Variants in DTWD2 observed in about 807,000 individuals in gnomAD.
DTWD2 encodes tRNA-uridine aminocarboxypropyltransferase 2.
In DTWD2, 39 loss-of-function variants were observed where a neutral mutation model predicts 31.8. That is an observed-to-expected ratio of 1.22 (90% CI 0.95 to 1.60). The LOEUF is 1.60. DTWD2 is among the 40% of genes most tolerant of loss of function. The pLI is 0.00. For missense variants in DTWD2, 515 were observed against 381.5 expected (o/e 1.35, Z -2.92); for synonymous variants, 180 against 142.8 (o/e 1.26, Z -1.86).
intron 5 of DTWD2, among the ~76,000 whole-genome samples, chr5:118,842,093 A>T (rs1279863726): frequency 3.9e-5 from 6 of 152,164 alleles, no homozygotes; most frequent in African/African-American, 1.4e-4. Flanking sequence ...CTGTAATCCC[A>T]GCATTTTGGG....
intron 1 of DTWD2, among the ~76,000 whole-genome samples, chr5:118,958,275 A>C (rs1005705551): frequency 6.6e-6 from 1 of 152,134 alleles, no homozygotes; most frequent in Non-Finnish European, 1.5e-5. Context: ...TAACACAGTG[A>C]AACTCCGTCT....
intron 4 of DTWD2, among the ~76,000 whole-genome samples, chr5:118,914,132 A>T (rs1753522112): frequency 1.3e-5 from 2 of 152,174 alleles, no homozygotes. Flanking sequence ...ACTCTGGTTT[A>T]AATGTGTCCC....
chr5:118,888,617 A>G (rs913482414), intron 4 of DTWD2, among the ~76,000 whole-genome samples: 7 of 152,242 alleles, frequency 4.6e-5, no homozygotes, highest in African/African-American at 1.7e-4. Context: ...TTGGTTAAAT[A>G]TCTAGGAGTG....
At chr5:118,897,092 G>C (rs2149563299) in intron 4 of DTWD2, among the ~76,000 whole-genome samples, 1 of 152,316 alleles carries the variant, frequency 6.6e-6, no homozygotes, top group East Asian at 1.9e-4. Flanking sequence ...GTCAGGTTTA[G>C]TGATTCTCTG....
At chr5:118,902,349 T>C (rs1364703332) in intron 4 of DTWD2, among the ~76,000 whole-genome samples, 1 of 152,138 alleles carries the variant, frequency 6.6e-6, no homozygotes, top group East Asian at 1.9e-4. Flanking sequence ...TGGAAATGTA[T>C]AGCTAAAATT....
At chr5:118,907,424 G>C (rs950364515) in intron 4 of DTWD2, among the ~76,000 whole-genome samples, 2 of 152,126 alleles carry the variant, frequency 1.3e-5, no homozygotes, top group African/African-American at 4.8e-5. Context: ...TCTGCAGTGT[G>C]AGCCAGCAGG....
rs1755490063 is a variant in DTWD2 at position 118,988,491 on chromosome 5, T to C, written c.21A>G (p.Ala7=). 6.3e-7 allele frequency: 1 copy of C among 1,584,398 alleles called. No individual in the cohort carries two copies. The highest frequency in any genetic ancestry group is 8.6e-7 in the Non-Finnish European group (1 of 1,167,598). The change falls in exon 1 of 6, where the codon GCA becomes GCG. Residue 7 remains alanine (A), a synonymous_variant. Transcript: ENST00000510708. ...GCGCAACGGGCTCCTGGAGTGTTCG[T>C]GCCTCTTTCTGCGACTCCATGGCGG... MESQKE[A]RTLQEPVARP...
At chr5:118,985,315 C>CA (rs975170783) in intron 1 of DTWD2, among the ~76,000 whole-genome samples, 14 of 151,874 alleles carry the variant, frequency 9.2e-5, no homozygotes, top group Non-Finnish European at 1.8e-4. Context: ...CCTTCAGTCT[C>CA]AGCTTACATG....
chr5:118,947,530 A>G (rs567824452), intron 1 of DTWD2, among the ~76,000 whole-genome samples: 1 of 152,242 alleles, frequency 6.6e-6, no homozygotes, highest in East Asian at 1.9e-4. Flanking sequence ...AGTCCCTACC[A>G]TACAGCTGCC....
At chr5:118,986,448 A>T (rs1194460654) in intron 1 of DTWD2, among the ~76,000 whole-genome samples, 2 of 152,218 alleles carry the variant, frequency 1.3e-5, no homozygotes, top group Admixed American at 1.3e-4. Context: ...TCCTGAACAA[A>T]GCTAATTTCT....
At chr5:118,851,528 C>T (rs972371955) in intron 4 of DTWD2, among the ~76,000 whole-genome samples, 1 of 152,040 alleles carries the variant, frequency 6.6e-6, no homozygotes, top group African/African-American at 2.4e-5. Flanking sequence ...AGATCACATG[C>T]TTCTGAGGAA....
At chr5:118,899,304 T>C (rs907506197) in intron 4 of DTWD2, among the ~76,000 whole-genome samples, 1 of 152,200 alleles carries the variant, frequency 6.6e-6, no homozygotes, top group Non-Finnish European at 1.5e-5. Context: ...TCAATGTTAA[T>C]GAATCAATGA....
chr5:118,907,401 T>C (rs941989835), intron 4 of DTWD2, among the ~76,000 whole-genome samples: 2 of 152,164 alleles, frequency 1.3e-5, no homozygotes, highest in African/African-American at 4.8e-5. Flanking sequence ...TTATGGAGGA[T>C]GACCAGCCCA....
At position 118,955,165 on chromosome 5, in the gene DTWD2, T is replaced by C. The variant is rs1485400786; in HGVS notation, c.219-10516A>G. On this transcript the variant is annotated intron_variant, in intron 1 of 5. Coordinates refer to ENST00000510708, the MANE Select transcript of DTWD2 (RefSeq NM_173666.4). ...AATTGCTTTAACTCATGATTTTATA[T>C]GCTCACAAAACATTTTCTATTTACT... 2.0e-5 allele frequency among the ~76,000 whole-genome samples: 3 copies of C among 152,264 alleles called. No homozygotes were observed. In the South Asian group the frequency reaches 6.2e-4, roughly 31 times the overall value.
chr5:118,972,062 C>T (rs145170103), intron 1 of DTWD2, among the ~76,000 whole-genome samples: 2 of 152,226 alleles, frequency 1.3e-5, no homozygotes, highest in African/African-American at 4.8e-5. Context: ...ACTAAAAGAA[C>T]TAGAGAAACA....
At chr5:118,877,274 C>T (rs1163219068) in intron 4 of DTWD2, among the ~76,000 whole-genome samples, 1 of 152,106 alleles carries the variant, frequency 6.6e-6, no homozygotes, top group Non-Finnish European at 1.5e-5. Context: ...AGATCGAGAC[C>T]ATCCTGGCTA....
At chr5:118,988,202 T>G in intron 1 of DTWD2, 92 bp downstream of exon 1, 1 of 1,479,702 alleles carries the variant, frequency 6.8e-7, no homozygotes, top group Non-Finnish European at 9.1e-7. Context: ...ATCGCAGAGC[T>G]GCCCGAGCCG....
intron 4 of DTWD2, among the ~76,000 whole-genome samples, chr5:118,901,123 A>T (rs2149565600): frequency 6.6e-6 from 1 of 152,222 alleles, no homozygotes; most frequent in South Asian, 2.1e-4. Flanking sequence ...ACTTATCATA[A>T]AGATTTTTAG....
At chr5:118,974,251 A>G in intron 1 of DTWD2, 2 of 825,354 alleles carry the variant, frequency 2.4e-6, no homozygotes, top group Non-Finnish European at 4.0e-6. Context: ...CACCGTGGAC[A>G]GTGCCACCCG....
Sources: gnomAD v4.1 joint callset for allele counts (sites outside exome capture counted in the v4.1 genomes callset) on GRCh38, gnomAD v4.1.1 for gene constraint, MANE v1.5 for transcripts, NCBI Gene and HGNC (gene_info 2026-07-23, HGNC 2026-07-21) for gene names.